Variants in ACTN2 observed in about 807,000 individuals in gnomAD.
The protein encoded by ACTN2 is actinin alpha 2.
Under a neutral mutation model 113.8 loss-of-function variants are expected in ACTN2, and 39 were observed. That is an observed-to-expected ratio of 0.34 (90% CI 0.27 to 0.45). The LOEUF (loss-of-function observed/expected upper bound fraction) is 0.45, where lower values mean the gene tolerates loss of function less well. Ranked by LOEUF, ACTN2 falls within the 20% of genes least tolerant of loss-of-function variation. The pLI, the probability that ACTN2 is intolerant of heterozygous loss-of-function variation, is 1.00. For synonymous variants in ACTN2, 429 were observed against 444.1 expected, an observed-to-expected ratio of 0.97 and a Z score of 0.43; for missense variants, 992 against 1,177.9, an observed-to-expected ratio of 0.84 and a Z score of 2.31.
At chr1:236,706,997 T>A (rs968653703) in intron 1 of ACTN2, among the ~76,000 whole-genome samples, 1 of 152,220 alleles carries the variant, frequency 6.6e-6, no homozygotes, top group Non-Finnish European at 1.5e-5. Context: ...GGGTCTTCCT[T>A]TTGCAATGGA....
chr1:236,701,823 T>G (rs760308981), intron 1 of ACTN2, among the ~76,000 whole-genome samples: 12 of 152,206 alleles, frequency 7.9e-5, no homozygotes, highest in Non-Finnish European at 1.0e-4. Flanking sequence ...AGCAGTGAAA[T>G]GGTGACAAAT....
intron 12 of ACTN2, 147 bp from the exon 13 acceptor site, chr1:236,747,520 G>C (rs1489064146): frequency 4.3e-6 from 3 of 690,524 alleles, no homozygotes; most frequent in Admixed American, 2.2e-5. Context: ...AGCCTCCACT[G>C]TCTATCAGCC....
intron 1 of ACTN2, among the ~76,000 whole-genome samples, chr1:236,716,649 ATTG>A (rs1658223268): frequency 6.6e-6 from 1 of 151,734 alleles, no homozygotes; most frequent in Non-Finnish European, 1.5e-5. Flanking sequence ...GTAGGAGGTT[ATTG>A]TTATTATTTT....
At chr1:236,736,131 T>A (rs761823656) in intron 8 of ACTN2, among the ~76,000 whole-genome samples, 1 of 152,228 alleles carries the variant, frequency 6.6e-6, no homozygotes, top group Non-Finnish European at 1.5e-5. Context: ...TGGTCTAACA[T>A]CCTTCAAGAC....
chr1:236,710,901 C>T (rs574719412), intron 1 of ACTN2, among the ~76,000 whole-genome samples: 1 of 152,160 alleles, frequency 6.6e-6, no homozygotes, highest in Non-Finnish European at 1.5e-5. Flanking sequence ...CCCTACCCCC[C>T]ACCCGTGGAA....
In ACTN2 at chr1:236,744,789, G is replaced by A; in HGVS notation, c.1406+13G>A. Reference sequence around the variant, plus strand: ...CGCAGGAGCTCAAGTATGTGCAGATGCCCTCCGTCCTCCCGGGAGCCCCTG... The same window carrying A: ...CGCAGGAGCTCAAGTATGTGCAGATACCCTCCGTCCTCCCGGGAGCCCCTG... On this transcript the variant is annotated intron_variant, in intron 12 of 20. Transcript: ENST00000366578. The A allele has an allele frequency of 6.2e-7, 1 of 1,614,004 alleles. No homozygotes were observed. The highest frequency in any genetic ancestry group is 8.5e-7 in the Non-Finnish European group (1 of 1,179,988).
intron 15 of ACTN2, among the ~76,000 whole-genome samples, chr1:236,752,983 A>G (rs891782922): frequency 6.6e-6 from 1 of 152,266 alleles, no homozygotes; most frequent in Non-Finnish European, 1.5e-5. Context: ...AGATGACACA[A>G]AGAAAGATTT....
chr1:236,702,265 G>A (rs1367947904), intron 1 of ACTN2, among the ~76,000 whole-genome samples: 2 of 152,128 alleles, frequency 1.3e-5, no homozygotes, highest in Non-Finnish European at 2.9e-5. Flanking sequence ...AGTAAAGCTA[G>A]CCGACATCAT....
At chr1:236,736,631 A>G in intron 8 of ACTN2, 3 of 1,535,012 alleles carry the variant, frequency 2.0e-6, no homozygotes, top group Non-Finnish European at 1.7e-6. Flanking sequence ...TGTTCATATC[A>G]GGAGATGAGG....
rs145866968 is a variant in ACTN2 at position 236,736,298 on chromosome 1, T to C, written c.783+578T>C. 6.4e-3 allele frequency among the ~76,000 whole-genome samples: 979 copies of C among 152,366 alleles called. 10 individuals are homozygous for C. Among genetic ancestry groups the C allele is most frequent in the African/African-American group, 0.022 (910 of 41,592 alleles). On this transcript the variant is annotated intron_variant, in intron 8 of 20. Coordinates refer to ENST00000366578, the MANE Select transcript of ACTN2 (RefSeq NM_001103.4). The stretch of plus-strand genomic sequence containing the variant: ...TTTCTGTTCCTCTCCTTGGAGGATC[T>C]TGATAGACTGCAGTGGGCGGAGTAT...
chr1:236,712,501 A>G (rs989481851), intron 1 of ACTN2, among the ~76,000 whole-genome samples: 1 of 152,184 alleles, frequency 6.6e-6, no homozygotes, highest in Admixed American at 6.5e-5. Flanking sequence ...ATAATTACCT[A>G]TGGTAAATTA....
chr1:236,749,032 G>A (rs527986121), intron 13 of ACTN2, 92 bp from the exon 14 acceptor site: 73 of 1,351,098 alleles, frequency 5.4e-5, no homozygotes, highest in Admixed American at 7.2e-5. Context: ...CAGAATATCA[G>A]AGAATAGTCT....
Position 236,699,497 on chromosome 1 carries a change from G to A in ACTN2, c.126+12698G>A, listed in dbSNP as rs76353986. Among the ~76,000 whole-genome samples, 601 of 152,274 alleles carry A rather than the reference G, an allele frequency of 3.9e-3. 5 individuals carry two copies. The highest frequency in any genetic ancestry group is 0.014 in the African/African-American group (576 of 41,548). On this transcript the variant is annotated intron_variant, in intron 1 of 20. Transcript: ENST00000366578. Reference sequence around the variant, plus strand: ...GCCGTCCCATGAAGGGCACATTATCGGAGTGAATGCTGATATGTCTGACGC... The same window carrying A: ...GCCGTCCCATGAAGGGCACATTATCAGAGTGAATGCTGATATGTCTGACGC...
intron 20 of ACTN2, 42 bp from the exon 21 acceptor site, chr1:236,762,419 G>A: frequency 6.2e-7 from 1 of 1,613,006 alleles, no homozygotes; most frequent in Non-Finnish European, 8.5e-7. Context: ...ATGTTGTGGT[G>A]TTTCTGCAAC....
At position 236,755,007 on chromosome 1, in the gene ACTN2, C is replaced by T. The variant is rs371352710; in HGVS notation, c.1975-12C>T. 8.7e-5 allele frequency: 141 copies of T among 1,614,026 alleles called. No individual in the cohort carries two copies. The highest frequency in any genetic ancestry group is 6.4e-4 in the African/African-American group (48 of 74,916). On this transcript the variant is annotated splice_polypyrimidine_tract_variant and intron_variant, in intron 16 of 20. Coordinates refer to ENST00000366578, the MANE Select transcript of ACTN2 (RefSeq NM_001103.4). ...CTGCTTCTCTCTCTGCTTGCTCACT[C>T]GCCCCCCTCAGGAGATTGCCCGGAG...
rs1658657355 is a variant in ACTN2 at position 236,729,544 on chromosome 1, C to T, written c.616-1689C>T. 2.0e-5 allele frequency among the ~76,000 whole-genome samples: 3 copies of T among 152,292 alleles called. No individual in the cohort carries two copies. In the South Asian group the frequency reaches 6.2e-4, roughly 32 times the overall value. ...CATGGATGGTCGTAAGAAGAGTGTC[C>T]TGGCTTCCACCACCTTTTTAGTTAT... On this transcript the variant is annotated intron_variant, in intron 6 of 20. Transcript: ENST00000366578.
At position 236,762,544 on chromosome 1, in the gene ACTN2, G is replaced by T; in HGVS notation, c.2610G>T (p.Ser870=). 1 of 1,613,914 alleles carries T rather than the reference G, an allele frequency of 6.2e-7. No individual in the cohort carries two copies. The highest frequency in any genetic ancestry group is 8.5e-7 in the Non-Finnish European group (1 of 1,179,976). The change falls in exon 21 of 21, where the codon TCG becomes TCT. Residue 870 remains serine, a synonymous_variant. Transcript: ENST00000366578. ...QYCIKRMPAY[S]GPGSVPGALD... Reference sequence around the variant, plus strand: ...GCATCAAGAGGATGCCCGCCTACTCGGGCCCAGGCAGTGTGCCTGGTGCAC... The same window carrying T: ...GCATCAAGAGGATGCCCGCCTACTCTGGCCCAGGCAGTGTGCCTGGTGCAC...
intron 7 of ACTN2, among the ~76,000 whole-genome samples, chr1:236,735,388 TG>T (rs1172151278): frequency 2.0e-5 from 3 of 151,732 alleles, no homozygotes; most frequent in African/African-American, 7.3e-5. Flanking sequence ...CATCAAGGGG[TG>T]GGGGAGAAAA....
At chr1:236,758,100 A>C (rs10802561) in intron 18 of ACTN2, among the ~76,000 whole-genome samples, 78,816 of 151,914 alleles carry the variant, frequency 0.52, 24,161 homozygotes, top group Non-Finnish European at 0.69. Context: ...TCTTTTAAGG[A>C]CATGCAGCAA....
Sources: allele counts gnomAD v4.1 joint callset (sites outside exome capture counted in the v4.1 genomes callset), GRCh38; gene constraint gnomAD v4.1.1; transcripts MANE v1.5; gene names NCBI Gene and HGNC (gene_info 2026-07-23, HGNC 2026-07-21).